The following MKLN1 variants were observed in gnomAD, a reference collection of about 807,000 sequenced individuals.
MKLN1 encodes the protein muskelin 1.
A neutral mutation model predicts 99.0 loss-of-function variants in MKLN1; 18 were observed. That is an observed-to-expected ratio of 0.18 (90% confidence interval 0.13 to 0.27). The LOEUF (loss-of-function observed/expected upper bound fraction) is 0.27. Ranked by LOEUF, MKLN1 falls within the 10% of genes least tolerant of loss-of-function variation. The probability of loss-of-function intolerance (pLI) is 1.00; values close to 1 mark genes in which losing one functional copy is unlikely to be tolerated. For synonymous variants in MKLN1, 288 were observed against 293.2 expected (o/e 0.98, Z 0.18); for missense variants, 621 against 875.9 (o/e 0.71, Z 3.67).
At chr7:131,440,995 A>G (rs1163126739) in intron 10 of MKLN1, among the ~76,000 whole-genome samples, 1 of 152,208 alleles carries the variant, frequency 6.6e-6, no homozygotes, top group African/African-American at 2.4e-5. Flanking sequence ...AGATTTCTCT[A>G]CATCTACTTT....
chr7:131,146,336 T>G (rs1225521158), intron 2 of MKLN1, among the ~76,000 whole-genome samples: 1 of 152,138 alleles, frequency 6.6e-6, no homozygotes, highest in Non-Finnish European at 1.5e-5. Flanking sequence ...AGCGAGACAT[T>G]GTCTCTAAAA....
chr7:131,381,974 G>A (rs1040239468), intron 2 of MKLN1, among the ~76,000 whole-genome samples: 7 of 152,156 alleles, frequency 4.6e-5, no homozygotes, highest in Non-Finnish European at 8.8e-5. Context: ...CTTGATTTCT[G>A]TTGTATGAAT....
chr7:131,427,744 C>T (rs1233111976), intron 8 of MKLN1, among the ~76,000 whole-genome samples: 3 of 152,004 alleles, frequency 2.0e-5, no homozygotes, highest in Non-Finnish European at 2.9e-5. Context: ...TTAGTAGAGA[C>T]GGAGTTTCAC....
At chr7:131,312,675 A>C (rs1365211311) in intron 3 of MKLN1, among the ~76,000 whole-genome samples, 2 of 152,192 alleles carry the variant, frequency 1.3e-5, no homozygotes, top group Admixed American at 6.5e-5. Context: ...TAAAGGAAAA[A>C]AATTACCCTT....
At chr7:131,397,143 A>G (rs1794384392) in intron 4 of MKLN1, 124 bp from the exon 5 acceptor site, 1 of 635,052 alleles carries the variant, frequency 1.6e-6, no homozygotes, top group Non-Finnish European at 2.7e-6. Flanking sequence ...CTAGTCATAT[A>G]AAAGATGCCC....
upstream of MKLN1, chr7:131,326,846 C>T (rs1245901626): frequency 6.6e-6 from 1 of 152,242 alleles, no homozygotes; most frequent in Non-Finnish European, 1.5e-5. Flanking sequence ...AATTTTTCCA[C>T]TCTTCAGGTG....
rs550531556 is a variant in MKLN1, at chr7:131,278,619, C to CT, written c.-179+75656dup. Reference sequence around the variant, plus strand: ...ACATTTATTGAATGTCTACTATGAACTTTTTTTTTTTAAGAGACAGGGTGT... The same window carrying CT: ...ACATTTATTGAATGTCTACTATGAACTTTTTTTTTTTTAAGAGACAGGGTGT... On this transcript the variant is annotated intron_variant, in intron 3 of 7. Transcript: ENST00000416992. Among the ~76,000 whole-genome samples, 301 of 146,570 alleles carry CT rather than the reference C, an allele frequency of 2.1e-3. 2 individuals are homozygous for CT. Among genetic ancestry groups the CT allele is most frequent in the African/African-American group, 6.2e-3 (247 of 40,130 alleles).
chr7:131,112,367 TTAATATCTA>T (rs1237930915), intron 1 of MKLN1, among the ~76,000 whole-genome samples: 1 of 152,254 alleles, frequency 6.6e-6, no homozygotes, highest in Admixed American at 6.5e-5. Flanking sequence ...CACTGAACCT[TTAATATCTA>T]TCCATAGGAA....
chr7:131,252,212 G>A (rs534145722), intron 3 of MKLN1, among the ~76,000 whole-genome samples: 5 of 152,112 alleles, frequency 3.3e-5, no homozygotes, highest in Admixed American at 6.5e-5. Flanking sequence ...TGTCCACCAC[G>A]AAGAACAGTA....
chr7:131,125,923 G>A (rs772326868), intron 1 of MKLN1, among the ~76,000 whole-genome samples: 13 of 151,016 alleles, frequency 8.6e-5, no homozygotes, highest in African/African-American at 2.7e-4. Flanking sequence ...GGAGAATGGC[G>A]TGAACCCAGG....
chr7:131,210,625 C>A (rs536950425), intron 3 of MKLN1, among the ~76,000 whole-genome samples: 2 of 140,550 alleles, frequency 1.4e-5, no homozygotes, highest in South Asian at 4.9e-4. Context: ...ATCACCTGAG[C>A]CTGAGAGGTC....
intron 8 of MKLN1, among the ~76,000 whole-genome samples, chr7:131,417,580 T>G (rs1038043917): frequency 6.6e-6 from 1 of 152,220 alleles, no homozygotes; most frequent in South Asian, 2.1e-4. Flanking sequence ...TTTCACCAGA[T>G]TCAGGTGGTC....
chr7:131,335,921 TTTG>T (rs770244692), intron 1 of MKLN1, among the ~76,000 whole-genome samples: 2 of 152,042 alleles, frequency 1.3e-5, no homozygotes, highest in African/African-American at 2.4e-5. Flanking sequence ...TTCTATGTAC[TTTG>T]TTAAGTTCAA....
chr7:131,492,094 T>C lies in MKLN1; in HGVS notation c.*4366T>C, dbSNP rs1797438100. 6.6e-6 allele frequency: 1 copy of C among 152,232 alleles called. No individual in the cohort carries two copies. Among genetic ancestry groups the C allele is most frequent in the South Asian group, 2.1e-4 (1 of 4,832 alleles). 9.4% of individuals were successfully genotyped at this position (152,232 alleles called of 1,614,324 possible). Reference sequence around the variant, plus strand: ...GTGGCAGCTTTAATGGAGAAACCTGTGTTGGCCTCTTTTTCTGGCATTAGG... The same window carrying C: ...GTGGCAGCTTTAATGGAGAAACCTGCGTTGGCCTCTTTTTCTGGCATTAGG... On this transcript the variant is annotated 3_prime_UTR_variant, in exon 18 of 18. Transcript: ENST00000352689.
At chr7:131,164,823 G>A (rs926511065) in intron 2 of MKLN1, among the ~76,000 whole-genome samples, 6 of 152,180 alleles carry the variant, frequency 3.9e-5, no homozygotes, top group African/African-American at 1.2e-4. Flanking sequence ...TTCTAGTTCT[G>A]TTGCAAGAAC....
chr7:131,110,370 A>G (rs556083216), intron 1 of MKLN1, among the ~76,000 whole-genome samples: 4 of 152,286 alleles, frequency 2.6e-5, no homozygotes, highest in African/African-American at 9.6e-5. Context: ...AAACGCAGCA[A>G]TAATTACTAT....
intron 3 of MKLN1, among the ~76,000 whole-genome samples, chr7:131,308,453 G>A (rs1049722260): frequency 1.3e-5 from 2 of 151,746 alleles, no homozygotes; most frequent in African/African-American, 4.8e-5. Flanking sequence ...GTAGAGACAG[G>A]GTTTCACCAT....
rs147313816 is a variant in MKLN1, at chr7:131,488,113, A to G, written c.*385A>G. The G allele has an allele frequency of 6.6e-6, 1 of 151,794 alleles. No individual in the cohort carries two copies. The highest frequency in any genetic ancestry group is 2.4e-5 in the African/African-American group (1 of 41,308). 9.4% of individuals were successfully genotyped at this position (151,794 alleles called of 1,614,324 possible). A position where few individuals can be genotyped will look rare whatever the true frequency, so the allele number is the denominator to read the frequency against. ...CACTATTAACAGATTCAGCACTACA[A>G]GTATTTTGAATGTTGTTGCTGTTGG... On this transcript the variant is annotated 3_prime_UTR_variant, in exon 18 of 18. Transcript: ENST00000352689.
At chr7:131,125,862 C>T (rs914191668) in intron 1 of MKLN1, among the ~76,000 whole-genome samples, 5 of 151,678 alleles carry the variant, frequency 3.3e-5, no homozygotes, top group African/African-American at 9.7e-5. Context: ...AAAAATTAGC[C>T]GGGCGTGGTG....
Sources: allele counts gnomAD v4.1 joint callset (sites outside exome capture counted in the v4.1 genomes callset), GRCh38; gene constraint gnomAD v4.1.1; transcripts MANE v1.5; gene names NCBI Gene and HGNC (gene_info 2026-07-23, HGNC 2026-07-21).